Variants in TRIM33 observed in about 807,000 individuals in gnomAD.
The protein encoded by TRIM33 is E3 ubiquitin-protein ligase TRIM33.
In TRIM33, 20 loss-of-function variants were observed where a neutral mutation model predicts 125.4. That is an observed-to-expected ratio of 0.16 (90% CI 0.11 to 0.23). The LOEUF (loss-of-function observed/expected upper bound fraction) is 0.23. Ranked by LOEUF, TRIM33 falls within the 10% of genes least tolerant of loss-of-function variation. The pLI is 1.00. For synonymous variants in TRIM33, 564 were observed against 513.9 expected, an observed-to-expected ratio of 1.10 and a Z score of -1.32; for missense variants, 920 against 1,411.4, an observed-to-expected ratio of 0.65 and a Z score of 5.58.
intron 11 of TRIM33, 31 bp from the exon 12 acceptor site, chr1:114,410,347 C>T (rs748788615): frequency 3.7e-6 from 6 of 1,600,810 alleles, no homozygotes; most frequent in Non-Finnish European, 4.3e-6. Flanking sequence ...GACAAATTTG[C>T]TTTGATTAAA....
intron 1 of TRIM33, among the ~76,000 whole-genome samples, chr1:114,467,023 G>A (rs1650345956): frequency 6.6e-6 from 1 of 152,220 alleles, no homozygotes; most frequent in Non-Finnish European, 1.5e-5. Context: ...GAGAGATTAA[G>A]AAACATTCTG....
At position 114,399,622 on chromosome 1, in the gene TRIM33, C is replaced by A; in HGVS notation, c.2968-13G>T. 1.3e-6 allele frequency: 2 copies of A among 1,559,770 alleles called. No homozygotes were observed. The highest frequency in any genetic ancestry group is 1.7e-6 in the Non-Finnish European group (2 of 1,148,768). Reference sequence around the variant, plus strand: ...AGTAGTTTGGTATCTAAAATAAGCACATAATGGCAAATAAGAATTCTCCAA... The same window carrying A: ...AGTAGTTTGGTATCTAAAATAAGCAAATAATGGCAAATAAGAATTCTCCAA... On this transcript the variant is annotated splice_polypyrimidine_tract_variant and intron_variant, in intron 17 of 19. Transcript: ENST00000358465.
At chr1:114,489,443 C>G (rs1651912349) in intron 1 of TRIM33, among the ~76,000 whole-genome samples, 1 of 152,122 alleles carries the variant, frequency 6.6e-6, no homozygotes, top group Non-Finnish European at 1.5e-5. Flanking sequence ...TGGACCTCAT[C>G]AAACTTAAAA....
In TRIM33 at chr1:114,395,748, A is replaced by C. The variant is rs1651510475; in HGVS notation, c.*1900T>G. 1 of 189,742 alleles carries C rather than the reference A, an allele frequency of 5.3e-6. No homozygotes were observed. Among genetic ancestry groups the C allele is most frequent in the Non-Finnish European group, 1.1e-5 (1 of 90,360 alleles). 11.8% of individuals were successfully genotyped at this position (189,742 alleles called of 1,614,324 possible). ...AGTTTGGTATATTTTCAACGGCTTA[A>C]ATTATTTTTTAAAAATTGAAAGAAA... On this transcript the variant is annotated 3_prime_UTR_variant, in exon 20 of 20. Transcript: ENST00000358465.
In TRIM33 at chr1:114,486,201, G is replaced by A. The variant is rs981298820; in HGVS notation, c.527-21813C>T. The stretch of plus-strand genomic sequence containing the variant: ...TGAGGCAGGAGAATTGCTTGAACCC[G>A]GGAGGAAGAGGTTGCAATGAGCTGA... On this transcript the variant is annotated intron_variant, in intron 1 of 19. Coordinates refer to ENST00000358465, the MANE Select transcript of TRIM33 (RefSeq NM_015906.4). 5.3e-5 allele frequency among the ~76,000 whole-genome samples: 8 copies of A among 152,190 alleles called. No individual in the cohort carries two copies. In the South Asian group the frequency reaches 8.3e-4, roughly 16 times the overall value.
chr1:114,413,212 A>T (rs1162995097), intron 11 of TRIM33, among the ~76,000 whole-genome samples: 1 of 152,176 alleles, frequency 6.6e-6, no homozygotes, highest in African/African-American at 2.4e-5. Context: ...ATCCAATGAA[A>T]TGGAATACCA....
At chr1:114,507,116 C>G (rs1367498404) in intron 1 of TRIM33, among the ~76,000 whole-genome samples, 2 of 152,226 alleles carry the variant, frequency 1.3e-5, no homozygotes, top group Non-Finnish European at 2.9e-5. Flanking sequence ...ATAAGATGAT[C>G]TATCAGAGAG....
intron 16 of TRIM33, among the ~76,000 whole-genome samples, chr1:114,402,050 T>C (rs1274798448): frequency 1.3e-5 from 2 of 152,212 alleles, no homozygotes; most frequent in Non-Finnish European, 2.9e-5. Context: ...ATGAGGGTTT[T>C]TACCAGTATA....
At chr1:114,425,855 G>A (rs1647540521) in intron 8 of TRIM33, 132 bp from the exon 9 acceptor site, 7 of 635,328 alleles carry the variant, frequency 1.1e-5, no homozygotes, top group Non-Finnish European at 1.9e-5. Context: ...AGCAGGGAAT[G>A]GAGTCAGTTT....
intron 4 of TRIM33, chr1:114,460,207 C>CTGTCCA: frequency 4.8e-6 from 1 of 208,654 alleles, no homozygotes; most frequent in South Asian, 9.2e-5. Flanking sequence ...AATGGCACAA[C>CTGTCCA]TGTCCACGTA....
intron 11 of TRIM33, among the ~76,000 whole-genome samples, chr1:114,419,947 T>TTAAAACCCAC (rs1414701604): frequency 6.6e-6 from 1 of 152,182 alleles, no homozygotes; most frequent in African/African-American, 2.4e-5. Flanking sequence ...CATAAGCCCA[T>TTAAAACCCAC]TAAAACCCAC....
At chr1:114,445,357 C>T (rs904326821) in intron 4 of TRIM33, among the ~76,000 whole-genome samples, 1 of 152,166 alleles carries the variant, frequency 6.6e-6, no homozygotes, top group African/African-American at 2.4e-5. Flanking sequence ...CCCACCTCAG[C>T]CTCCCAAGTA....
chr1:114,402,515 G>A (rs1651961658), intron 16 of TRIM33, among the ~76,000 whole-genome samples: 1 of 152,136 alleles, frequency 6.6e-6, no homozygotes, highest in South Asian at 2.1e-4. Flanking sequence ...TGTGCTTGGA[G>A]GGAGAGGATT....
At chr1:114,465,559 A>G (rs1349578520) in intron 1 of TRIM33, among the ~76,000 whole-genome samples, 1 of 152,032 alleles carries the variant, frequency 6.6e-6, no homozygotes, top group Non-Finnish European at 1.5e-5. Flanking sequence ...TGTAATCCCA[A>G]CACTTTGGGA....
chr1:114,465,769 C>T (rs1051403984), intron 1 of TRIM33, among the ~76,000 whole-genome samples: 4 of 151,870 alleles, frequency 2.6e-5, no homozygotes, highest in African/African-American at 4.8e-5. Flanking sequence ...GAGCCGGGCG[C>T]GGTGGCTCAC....
intron 1 of TRIM33, chr1:114,468,660 G>T: frequency 2.3e-6 from 1 of 439,898 alleles, no homozygotes; most frequent in South Asian, 1.7e-5. Flanking sequence ...ACCAGAGTAT[G>T]ACCTTAATAT....
rs1237490196 is a variant in TRIM33 at position 114,398,108 on chromosome 1, T to A, written c.3121-118A>T. 1.0e-5 allele frequency: 10 copies of A among 997,594 alleles called. No homozygotes were observed. The Admixed American group carries it at 1.5e-4, about 15-fold the overall frequency. The allele number at this position is 997,594 out of a possible 1,614,324, so 61.8% of individuals were successfully genotyped here. On this transcript the variant is annotated intron_variant, in intron 18 of 19. Transcript: ENST00000358465. The stretch of plus-strand genomic sequence containing the variant: ...CCATACTAGGGAGAACAAATTGCTA[T>A]AACCAGATAAAGTGCTTTTCTAAAA...
chr1:114,432,301 CACT>C (rs34302872), intron 5 of TRIM33, among the ~76,000 whole-genome samples: 3,914 of 152,248 alleles, frequency 0.026, 83 homozygotes, highest in Non-Finnish European at 0.034. Context: ...TGAATCAACT[CACT>C]ACATTTCCTT....
intron 1 of TRIM33, among the ~76,000 whole-genome samples, chr1:114,471,275 T>C (rs189765393): frequency 2.0e-5 from 3 of 152,098 alleles, no homozygotes; most frequent in Admixed American, 6.5e-5. Flanking sequence ...GGTCAAACTC[T>C]ACTAAAAATA....
Sources: allele counts gnomAD v4.1 joint callset (sites outside exome capture counted in the v4.1 genomes callset), GRCh38; gene constraint gnomAD v4.1.1; transcripts MANE v1.5; gene names NCBI Gene and HGNC (gene_info 2026-07-23, HGNC 2026-07-21).